The following SNTG2 variants were observed in gnomAD, a reference collection of about 807,000 sequenced individuals.
SNTG2 encodes syntrophin gamma 2, also known as gamma-2-syntrophin.
A neutral mutation model predicts 70.9 loss-of-function variants in SNTG2; 74 were observed. The ratio of observed to expected loss-of-function variants is 1.04; its 90% CI spans 0.86 to 1.27. The LOEUF (loss-of-function observed/expected upper bound fraction) is 1.27. Among genes scored for constraint, SNTG2 ranks in the 50% most tolerant of loss-of-function variants. The pLI is 0.00. For synonymous variants in SNTG2, 278 were observed against 273.8 expected, an observed-to-expected ratio of 1.02 and a Z score of -0.15; for missense variants, 717 against 690.7, an observed-to-expected ratio of 1.04 and a Z score of -0.43.
At chr2:1,255,044 C>A (rs1677969159) in intron 12 of SNTG2, among the ~76,000 whole-genome samples, 1 of 152,142 alleles carries the variant, frequency 6.6e-6, no homozygotes, top group Non-Finnish European at 1.5e-5. Flanking sequence ...CCTCTTTTAA[C>A]ATAAGAGGTG....
chr2:953,584 T>C (rs1660049377), intron 1 of SNTG2, among the ~76,000 whole-genome samples: 1 of 152,266 alleles, frequency 6.6e-6, no homozygotes, highest in Admixed American at 6.5e-5. Context: ...GCTTTGGTTA[T>C]GTTTCTCATC....
At chr2:957,399 G>C (rs1238662776) in intron 1 of SNTG2, among the ~76,000 whole-genome samples, 1 of 152,062 alleles carries the variant, frequency 6.6e-6, no homozygotes, top group Non-Finnish European at 1.5e-5. Context: ...AAAGTTGGGG[G>C]TTTGGCGATG....
chr2:973,888 G>T (rs1209300129), intron 1 of SNTG2, among the ~76,000 whole-genome samples: 1 of 152,024 alleles, frequency 6.6e-6, no homozygotes, highest in Non-Finnish European at 1.5e-5. Flanking sequence ...TAGGTTTTCA[G>T]CTTTTTTTGC....
intron 1 of SNTG2, among the ~76,000 whole-genome samples, chr2:1,003,859 T>C (rs1164272081): frequency 1.3e-5 from 2 of 152,248 alleles, no homozygotes; most frequent in Non-Finnish European, 2.9e-5. Flanking sequence ...ATTTTCTTTG[T>C]ACATAAACTT....
At chr2:1,136,362 G>A (rs527640027) in intron 4 of SNTG2, among the ~76,000 whole-genome samples, 1 of 151,608 alleles carries the variant, frequency 6.6e-6, no homozygotes, top group African/African-American at 2.4e-5. Flanking sequence ...AGGGAGGGGG[G>A]CAGTTTGAAC....
chr2:1,335,867 T>G (rs563657255), intron 16 of SNTG2, among the ~76,000 whole-genome samples: 1 of 152,324 alleles, frequency 6.6e-6, no homozygotes, highest in African/African-American at 2.4e-5. Context: ...AAACCCGTCT[T>G]CTGGGTGTCC....
chr2:1,194,082 A>G (rs1048782224), intron 8 of SNTG2, among the ~76,000 whole-genome samples: 3 of 152,174 alleles, frequency 2.0e-5, no homozygotes, highest in East Asian at 1.9e-4. Context: ...CCTTTCCTCT[A>G]CCACATTAGT....
At chr2:1,257,490 G>A (rs1253289027) in intron 12 of SNTG2, among the ~76,000 whole-genome samples, 1 of 152,138 alleles carries the variant, frequency 6.6e-6, no homozygotes, top group Non-Finnish European at 1.5e-5. Context: ...GAACAGAAAG[G>A]GGCTTAATAA....
chr2:1,000,075 C>G (rs1278381902), intron 1 of SNTG2, among the ~76,000 whole-genome samples: 1 of 151,722 alleles, frequency 6.6e-6, no homozygotes, highest in Non-Finnish European at 1.5e-5. Context: ...TTTAAATTTT[C>G]TTTACCTGAA....
At chr2:1,271,666 A>T (rs36193992) in intron 14 of SNTG2, among the ~76,000 whole-genome samples, 1 of 151,892 alleles carries the variant, frequency 6.6e-6, no homozygotes, top group South Asian at 2.1e-4. Context: ...CTCCCCTCCC[A>T]GTCATAAGAT....
intron 13 of SNTG2, among the ~76,000 whole-genome samples, 184 bp from the exon 14 acceptor site, chr2:1,267,181 C>T (rs186378988): frequency 2.6e-5 from 4 of 152,316 alleles, no homozygotes; most frequent in Admixed American, 1.3e-4. Flanking sequence ...AGATATTTGT[C>T]TGTGGACCAC....
chr2:1,101,970 T>G (rs1389228614), intron 4 of SNTG2, among the ~76,000 whole-genome samples: 3 of 152,220 alleles, frequency 2.0e-5, no homozygotes, highest in Non-Finnish European at 4.4e-5. Context: ...AATATAAAAT[T>G]ATTAGTGTGC....
Position 1,265,398 on chromosome 2 carries a change from GCA to G in SNTG2, c.1078-1960_1078-1959del, listed in dbSNP as rs61302188. ...TCCACACATACACATGTTCATGTGT[GCA>G]CACACATTCTCATGTGCACACATAC... On this transcript the variant is annotated intron_variant, in intron 13 of 16. Coordinates refer to ENST00000308624, the MANE Select transcript of SNTG2 (RefSeq NM_018968.4). Among the ~76,000 whole-genome samples the G allele has an allele frequency of 4.3e-3, 661 of 152,280 alleles. 5 individuals are homozygous for G. Among genetic ancestry groups the G allele is most frequent in the African/African-American group, 0.015 (628 of 41,542 alleles).
chr2:1,367,440 A>C lies in SNTG2; in HGVS notation c.1586A>C (p.Gln529Pro), dbSNP rs1573043881. Residue 529 changes from glutamine (Q) to proline (P), a missense_variant, in exon 17 of 17, where the codon CAG (glutamine) becomes CCG (proline). Transcript: ENST00000308624. ...ASVDPGFMDS[Q>P]SLARKYMYSS ...GTGGACCCCGGCTTCATGGACAGTC[A>C]GAGTCTTGCCAGAAAATACATGTAC... 6.4e-7 allele frequency: 1 copy of C among 1,551,648 alleles called. No individual in the cohort carries two copies. The highest frequency in any genetic ancestry group is 1.4e-5 in the African/African-American group (1 of 73,096).
chr2:1,217,993 C>T (rs1674511503), intron 9 of SNTG2, among the ~76,000 whole-genome samples: 1 of 152,054 alleles, frequency 6.6e-6, no homozygotes, highest in South Asian at 2.1e-4. Context: ...GTGTTCCCAT[C>T]TTCAAGGCTC....
Position 1,223,253 on chromosome 2 carries a change from G to T in SNTG2, c.719+14023G>T, listed in dbSNP as rs587613520. Among the ~76,000 whole-genome samples, 9 of 131,802 alleles carry T rather than the reference G, an allele frequency of 6.8e-5. No homozygotes were observed. In the Admixed American group the frequency reaches 7.2e-4, roughly 11 times the overall value. The allele number at this position is 131,802 out of a possible 152,430, so 86.5% of individuals were successfully genotyped here. ...GCTGGAGGTGCTGGATCGCTGTAGA[G>T]GAAAGTGGTGCAGTGATGGAGTGCG... is the stretch of plus-strand genomic sequence containing the variant. On this transcript the variant is annotated intron_variant, in intron 9 of 16. Transcript: ENST00000308624.
intron 16 of SNTG2, among the ~76,000 whole-genome samples, chr2:1,360,009 C>G (rs1255597817): frequency 6.6e-6 from 1 of 151,634 alleles, no homozygotes; most frequent in South Asian, 2.1e-4. Context: ...ATCTTCATTT[C>G]TTTACATTTA....
chr2:1,035,739 T>C (rs1661092902), intron 1 of SNTG2, among the ~76,000 whole-genome samples: 1 of 152,260 alleles, frequency 6.6e-6, no homozygotes, highest in Non-Finnish European at 1.5e-5. Context: ...CATATTTGCC[T>C]ACTTTATATA....
At chr2:1,062,259 T>G (rs1662873134) in intron 1 of SNTG2, among the ~76,000 whole-genome samples, 2 of 152,206 alleles carry the variant, frequency 1.3e-5, no homozygotes, top group Admixed American at 6.5e-5. Flanking sequence ...AAGCCCACTC[T>G]CAGCCGTGCA....
Sources: allele counts gnomAD v4.1 joint callset (sites outside exome capture counted in the v4.1 genomes callset), GRCh38; gene constraint gnomAD v4.1.1; transcripts MANE v1.5; gene names NCBI Gene and HGNC (gene_info 2026-07-23, HGNC 2026-07-21).